The following LPP variants were observed in gnomAD, a reference collection of about 807,000 sequenced individuals.
LPP encodes LIM domain containing preferred translocation partner in lipoma.
LPP carries 38 observed loss-of-function variants against 60.4 expected under a neutral mutation model. That is an observed-to-expected ratio of 0.63 (90% CI 0.49 to 0.83). The LOEUF is 0.83. Among genes scored for constraint, LPP ranks in the 40% least tolerant of loss-of-function variants. The probability of loss-of-function intolerance (pLI) is 0.00; values close to 1 mark genes in which losing one functional copy is unlikely to be tolerated. For missense variants in LPP, 902 were observed against 783.6 expected, an observed-to-expected ratio of 1.15 and a Z score of -1.80; for synonymous variants, 328 against 290.8, an observed-to-expected ratio of 1.13 and a Z score of -1.30.
chr3:188,596,187 G>A (rs1484655833), intron 6 of LPP, among the ~76,000 whole-genome samples: 1 of 152,144 alleles, frequency 6.6e-6, no homozygotes, highest in African/African-American at 2.4e-5. Flanking sequence ...TTTTAAGAGT[G>A]CAGAATTGTT....
intron 1 of LPP, among the ~76,000 whole-genome samples, chr3:188,161,018 T>C (rs1461904588): frequency 6.6e-6 from 1 of 152,172 alleles, no homozygotes; most frequent in Non-Finnish European, 1.5e-5. Flanking sequence ...CCTTGGTGTA[T>C]GTGCACAGGC....
In LPP at chr3:188,828,125, CA is replaced by C. The variant is rs1577829992; in HGVS notation, c.1411-38068del. Among the ~76,000 whole-genome samples the C allele has an allele frequency of 3.3e-5, 5 of 151,926 alleles. No individual in the cohort carries two copies. In the South Asian group the frequency reaches 8.3e-4, roughly 25 times the overall value. On this transcript the variant is annotated intron_variant, in intron 9 of 11. Transcript: ENST00000617246. The stretch of plus-strand genomic sequence containing the variant: ...AGTGGTCAGCAGTAAAGAAAACAGA[CA>C]AAAAAATAATACCCTGGTGGAGTTT...
At chr3:188,810,075 G>A (rs1207159333) in intron 9 of LPP, among the ~76,000 whole-genome samples, 1 of 152,086 alleles carries the variant, frequency 6.6e-6, no homozygotes, top group East Asian at 1.9e-4. Flanking sequence ...TTTCGTGTGA[G>A]CATCTGCTGA....
chr3:188,240,033 T>C (rs547414059), intron 2 of LPP: 2 of 196,114 alleles, frequency 1.0e-5, no homozygotes, highest in African/African-American at 4.6e-5. Flanking sequence ...GAGCAAGAAA[T>C]AGAGATGGGA....
chr3:188,830,293 A>G (rs369639542), intron 9 of LPP, among the ~76,000 whole-genome samples: 22 of 150,932 alleles, frequency 1.5e-4, no homozygotes, highest in East Asian at 7.8e-4. Flanking sequence ...TGAAAAAAAG[A>G]GTAAGCACTA....
intron 1 of LPP, among the ~76,000 whole-genome samples, chr3:188,214,292 G>A (rs1712612615): frequency 6.6e-6 from 1 of 151,990 alleles, no homozygotes; most frequent in Non-Finnish European, 1.5e-5. Context: ...CACTAGGCCT[G>A]GCTAATTTTT....
In LPP at chr3:188,872,501, C is replaced by G. The variant is rs1768372718; in HGVS notation, c.1590-142C>G. On this transcript the variant is annotated intron_variant, in intron 10 of 11. Transcript: ENST00000617246. ...CCACCGATTGATGGAAGAACCTCCA[C>G]AGTCCCTGAGTCTAACTCCCTCACC... 3 of 834,784 alleles carry G rather than the reference C, an allele frequency of 3.6e-6. No homozygotes were observed. In the Admixed American group the frequency reaches 6.7e-5, roughly 19 times the overall value. 51.7% of individuals were successfully genotyped at this position (834,784 alleles called of 1,614,324 possible). A position where few individuals can be genotyped will look rare whatever the true frequency, so the allele number is the denominator to read the frequency against.
intron 8 of LPP, among the ~76,000 whole-genome samples, chr3:188,716,866 C>T (rs1042243200): frequency 3.3e-5 from 5 of 152,186 alleles, no homozygotes; most frequent in South Asian, 2.1e-4. Flanking sequence ...ACAAACAAGA[C>T]GCTAAACTTG....
chr3:188,689,293 C>T (rs1443346770), intron 7 of LPP, among the ~76,000 whole-genome samples: 1 of 152,160 alleles, frequency 6.6e-6, no homozygotes, highest in Admixed American at 6.5e-5. Context: ...ACTCTGAAGC[C>T]CAGGCATGCA....
At chr3:188,280,154 C>T (rs1487266728) in intron 2 of LPP, among the ~76,000 whole-genome samples, 7 of 152,126 alleles carry the variant, frequency 4.6e-5, no homozygotes, top group African/African-American at 7.2e-5. Flanking sequence ...GAGTGGGATT[C>T]GAATGGGCTC....
intron 2 of LPP, among the ~76,000 whole-genome samples, chr3:188,229,638 T>G (rs935636271): frequency 2.0e-4 from 31 of 152,228 alleles, no homozygotes; most frequent in African/African-American, 7.2e-4. Flanking sequence ...AACTCTATGG[T>G]TCTTCGTGTA....
chr3:188,826,307 G>C (rs1755471024), intron 9 of LPP, among the ~76,000 whole-genome samples: 1 of 152,158 alleles, frequency 6.6e-6, no homozygotes, highest in Admixed American at 6.5e-5. Context: ...GTTTCTGCAG[G>C]TTTCCTTATA....
At chr3:188,798,757 T>C (rs1311664794) in intron 9 of LPP, among the ~76,000 whole-genome samples, 2 of 147,798 alleles carry the variant, frequency 1.4e-5, no homozygotes, top group Non-Finnish European at 1.5e-5. Flanking sequence ...CATAACAACA[T>C]GGGAAGCCCA....
At chr3:188,585,855 C>T (rs1837317629) in intron 6 of LPP, among the ~76,000 whole-genome samples, 1 of 152,082 alleles carries the variant, frequency 6.6e-6, no homozygotes, top group Non-Finnish European at 1.5e-5. Flanking sequence ...TATTTATGTA[C>T]AGATATAAGT....
chr3:188,202,655 C>G (rs945035740), intron 1 of LPP, among the ~76,000 whole-genome samples: 1 of 152,228 alleles, frequency 6.6e-6, no homozygotes, highest in Non-Finnish European at 1.5e-5. Flanking sequence ...CGTGCGTTCC[C>G]TGTGCTGTCC....
At chr3:188,520,253 C>T (rs1253760072) in intron 5 of LPP, among the ~76,000 whole-genome samples, 2 of 152,206 alleles carry the variant, frequency 1.3e-5, no homozygotes, top group African/African-American at 4.8e-5. Flanking sequence ...TAAAGGGACG[C>T]TGTCAGTAGA....
intron 4 of LPP, among the ~76,000 whole-genome samples, chr3:188,425,837 CT>C (rs978112184): frequency 3.9e-5 from 6 of 152,108 alleles, no homozygotes; most frequent in African/African-American, 1.4e-4. Flanking sequence ...ATTCTTCTCT[CT>C]TTTCTTCTTT....
intron 9 of LPP, among the ~76,000 whole-genome samples, chr3:188,852,210 G>T (rs775527219): frequency 2.2e-4 from 33 of 152,116 alleles, no homozygotes; most frequent in Non-Finnish European, 3.4e-4. Context: ...TCTCAAGTGG[G>T]CAAGTTTGGC....
At chr3:188,303,829 C>G (rs954792113) in intron 2 of LPP, among the ~76,000 whole-genome samples, 24 of 152,168 alleles carry the variant, frequency 1.6e-4, no homozygotes, top group African/African-American at 4.8e-4. Context: ...TGATAATTTA[C>G]AAAATAAATA....
Sources: allele counts gnomAD v4.1 joint callset (sites outside exome capture counted in the v4.1 genomes callset), GRCh38; gene constraint gnomAD v4.1.1; transcripts MANE v1.5; gene names NCBI Gene and HGNC (gene_info 2026-07-23, HGNC 2026-07-21).